S100Z: variants seen among roughly 807,000 people sequenced by gnomAD.
S100Z encodes the protein protein S100-Z.
A neutral mutation model predicts 8.5 loss-of-function variants in S100Z; 11 were observed. The ratio of observed to expected loss-of-function variants is 1.30; its 90% CI spans 0.82 to 2.15. S100Z has a LOEUF of 2.15. Ranked by LOEUF, S100Z falls within the 30% of genes most tolerant of loss-of-function variation. S100Z has a pLI of 0.00. For missense variants in S100Z, 126 were observed against 117.9 expected, an observed-to-expected ratio of 1.07 and a Z score of -0.32; for synonymous variants, 34 against 43.8, an observed-to-expected ratio of 0.78 and a Z score of 0.89.
chr5:76,863,677 T>C (rs1219157355), intron 1 of S100Z, among the ~76,000 whole-genome samples: 3 of 151,714 alleles, frequency 2.0e-5, no homozygotes, highest in Non-Finnish European at 4.4e-5. Context: ...TAGCTGGGAC[T>C]ACAGGCACCC....
intron 1 of S100Z, among the ~76,000 whole-genome samples, chr5:76,850,705 T>C (rs1247144118): frequency 6.6e-6 from 1 of 152,100 alleles, no homozygotes; most frequent in Non-Finnish European, 1.5e-5. Flanking sequence ...CAATCAGCCC[T>C]GGAATGGCTG....
chr5:76,875,559 A>T lies in S100Z; in HGVS notation c.141+59A>T. On this transcript the variant is annotated intron_variant, in intron 3 of 4. Coordinates refer to ENST00000317593, the MANE Select transcript of S100Z (RefSeq NM_130772.4). Reference sequence around the variant, plus strand: ...TGAGGGTAGATGAGGTGCAGATTCCAGGACAGCCTTTGGGTTCATACTGTC... The same window carrying T: ...TGAGGGTAGATGAGGTGCAGATTCCTGGACAGCCTTTGGGTTCATACTGTC... The T allele has an allele frequency of 2.0e-6, 3 of 1,492,534 alleles. No individual in the cohort carries two copies. The Admixed American group carries it at 6.0e-5, about 30-fold the overall frequency. 92.5% of individuals were successfully genotyped at this position (1,492,534 alleles called of 1,614,324 possible).
chr5:76,863,577 T>C lies in S100Z; in HGVS notation c.-175-6589T>C, dbSNP rs186266166. The stretch of plus-strand genomic sequence containing the variant: ...TTTTTGAGGCAGAGTCTCACTCTGT[T>C]GCCCAGGCTGGAGTGCAGTGGCGCG... On this transcript the variant is annotated intron_variant, in intron 1 of 4. Transcript: ENST00000317593. Among the ~76,000 whole-genome samples the C allele has an allele frequency of 5.8e-3, 881 of 152,254 alleles. 13 individuals are homozygous for C. The highest frequency in any genetic ancestry group is 0.041 in the East Asian group (210 of 5,182).
intron 4 of S100Z, among the ~76,000 whole-genome samples, chr5:76,882,803 A>G (rs1450765903): frequency 6.6e-6 from 1 of 152,196 alleles, no homozygotes; most frequent in East Asian, 1.9e-4. Flanking sequence ...GGGTCAGTCC[A>G]AGTGAAAGCA....
At chr5:76,908,301 C>T (rs558168417) in intron 4 of S100Z, among the ~76,000 whole-genome samples, 299 of 152,180 alleles carry the variant, frequency 2.0e-3, no homozygotes, top group Admixed American at 3.3e-3. Flanking sequence ...TTGGTTGACC[C>T]GGCAGCCATG....
intron 2 of S100Z, among the ~76,000 whole-genome samples, chr5:76,871,429 C>T (rs1743006110): frequency 6.6e-6 from 1 of 152,102 alleles, no homozygotes; most frequent in Non-Finnish European, 1.5e-5. Flanking sequence ...TCCACAGCCC[C>T]CTTTATCTTA....
intron 4 of S100Z, among the ~76,000 whole-genome samples, chr5:76,918,188 T>G (rs1744913567): frequency 6.6e-6 from 1 of 152,198 alleles, no homozygotes; most frequent in South Asian, 2.1e-4. Context: ...TCCAACTTTA[T>G]TTTTTGTCGT....
chr5:76,904,204 T>C (rs1022558617), intron 4 of S100Z, among the ~76,000 whole-genome samples: 1 of 152,172 alleles, frequency 6.6e-6, no homozygotes, highest in Non-Finnish European at 1.5e-5. Flanking sequence ...AACCCCACTT[T>C]TCTTTTTGAG....
At chr5:76,892,934 G>A (rs968778209) in intron 4 of S100Z, among the ~76,000 whole-genome samples, 2 of 152,112 alleles carry the variant, frequency 1.3e-5, no homozygotes, top group Non-Finnish European at 2.9e-5. Context: ...CGTTGTTGAT[G>A]TACATAGGGT....
chr5:76,920,205 G>A (rs940928649), intron 4 of S100Z, among the ~76,000 whole-genome samples: 6 of 152,110 alleles, frequency 3.9e-5, no homozygotes, highest in Admixed American at 1.3e-4. Context: ...CACCACGCCC[G>A]GCTCAGCCTT....
chr5:76,943,628 G>A, the S100Z span, among the ~76,000 whole-genome samples: 9 of 152,160 alleles, frequency 5.9e-5, no homozygotes, highest in Non-Finnish European at 1.2e-4. Context: ...GACACTGCAT[G>A]CTTCCTTGCA....
chr5:76,863,785 A>G (rs369680307), intron 1 of S100Z, among the ~76,000 whole-genome samples: 1,770 of 152,160 alleles, frequency 0.012, 24 homozygotes, highest in South Asian at 0.054. Context: ...TGATCCACCC[A>G]CCTTGGCCTC....
At chr5:76,921,952 G>A (rs558559980), downstream of S100Z, among the ~76,000 whole-genome samples, 13 of 149,056 alleles carry the variant, frequency 8.7e-5, no homozygotes, top group East Asian at 8.0e-4. Context: ...TCATGCCACC[G>A]CACTCCAGCC....
chr5:76,914,605 C>T (rs906357083), intron 4 of S100Z, among the ~76,000 whole-genome samples: 2 of 152,160 alleles, frequency 1.3e-5, no homozygotes, highest in Non-Finnish European at 2.9e-5. Flanking sequence ...TGAGTTGTCA[C>T]ACTTACCGTG....
downstream of S100Z, among the ~76,000 whole-genome samples, chr5:76,922,576 A>T (rs1430499132): frequency 3.3e-5 from 5 of 151,880 alleles, no homozygotes; most frequent in African/African-American, 1.2e-4. Context: ...CCCAAGCTGA[A>T]GTGCAGTGGC....
In S100Z at chr5:76,894,397, G is replaced by A. The variant is rs563701299; in HGVS notation, c.*2+16563G>A. 2.0e-5 allele frequency among the ~76,000 whole-genome samples: 3 copies of A among 152,288 alleles called. No homozygotes were observed. The East Asian group carries it at 5.8e-4, about 29-fold the overall frequency. On this transcript the variant is annotated intron_variant, in intron 4 of 4. Transcript: ENST00000317593. ...CACATGTTCTCAGGACCTCCTGAGG[G>A]CTGTGTCATGGGTCATGGTCACTCA...
intron 4 of S100Z, among the ~76,000 whole-genome samples, chr5:76,913,116 A>G (rs966609896): frequency 6.6e-6 from 1 of 152,260 alleles, no homozygotes; most frequent in South Asian, 2.1e-4. Context: ...CTGTAACCCT[A>G]TAACACTCCA....
At chr5:76,857,514 T>C (rs1214057230) in intron 1 of S100Z, among the ~76,000 whole-genome samples, 1 of 150,796 alleles carries the variant, frequency 6.6e-6, no homozygotes, top group South Asian at 2.1e-4. Context: ...TTTTTTTTTT[T>C]TTGGAGATGG....
intron 4 of S100Z, among the ~76,000 whole-genome samples, chr5:76,911,495 A>G (rs1479359049): frequency 6.6e-6 from 1 of 152,168 alleles, no homozygotes; most frequent in Non-Finnish European, 1.5e-5. Flanking sequence ...TGAGGATCCC[A>G]CAGACCACAC....
Sources: gnomAD v4.1 joint callset for allele counts (sites outside exome capture counted in the v4.1 genomes callset) on GRCh38, gnomAD v4.1.1 for gene constraint, MANE v1.5 for transcripts, NCBI Gene and HGNC (gene_info 2026-07-23, HGNC 2026-07-21) for gene names.